Variants in CDH16 observed in about 807,000 individuals in gnomAD.
CDH16 encodes cadherin-16.
A neutral mutation model predicts 87.6 loss-of-function variants in CDH16; 79 were observed. The observed-to-expected ratio is 0.90, with a 90% CI of 0.75 to 1.09. The LOEUF is 1.09. Among genes scored for constraint, CDH16 ranks in the 50% least tolerant of loss-of-function variants. The pLI is 0.00. For synonymous variants in CDH16, 457 were observed against 439.5 expected, an observed-to-expected ratio of 1.04 and a Z score of -0.50; for missense variants, 1,124 against 1,071.7, an observed-to-expected ratio of 1.05 and a Z score of -0.68.
In CDH16 at chr16:66,910,372, G is replaced by T. The variant is rs766156376; in HGVS notation, c.2055C>A (p.Ile685=). 1 of 1,613,784 alleles carries T rather than the reference G, an allele frequency of 6.2e-7. No homozygotes were observed. Among genetic ancestry groups the T allele is most frequent in the Non-Finnish European group, 8.5e-7 (1 of 1,179,834 alleles). ...LCTPRQDHGL[I]VSGPSKDPDL... ...CGGGGTCCTTGCTGGGTCCACTCAC[G>T]ATCAAGCCATGGTCTTGGCGGGGTG... is the stretch of plus-strand genomic sequence containing the variant. Residue 685 remains isoleucine (I), a synonymous_variant, in exon 15 of 18, where the codon ATC becomes ATA. Coordinates refer to ENST00000299752, the MANE Select transcript of CDH16 (RefSeq NM_004062.4).
chr16:66,914,852 C>T (rs546060069), intron 6 of CDH16, among the ~76,000 whole-genome samples: 1 of 152,222 alleles, frequency 6.6e-6, no homozygotes, highest in East Asian at 1.9e-4. Flanking sequence ...ATGCCTGATT[C>T]ACTTTTCTTT....
chr16:66,913,299 G>C lies in CDH16; in HGVS notation c.904-18C>G, dbSNP rs1962519072. On this transcript the variant is annotated intron_variant, in intron 8 of 17. Coordinates refer to ENST00000299752, the MANE Select transcript of CDH16 (RefSeq NM_004062.4). ...AGCAGGTACTGCGGTGGGCAGTAGG[G>C]GGCTTCAGGTCAGGACCAAGGGCAG... The C allele has an allele frequency of 6.5e-7, 1 of 1,544,982 alleles. No individual in the cohort carries two copies. Among genetic ancestry groups the C allele is most frequent in the Non-Finnish European group, 8.7e-7 (1 of 1,145,288 alleles).
In CDH16 at chr16:66,912,021, C is replaced by T. The variant is rs1962441051; in HGVS notation, c.1668G>A (p.Glu556=). The change falls in exon 13 of 18, where the codon GAG becomes GAA. Residue 556 remains glutamate, a synonymous_variant. Coordinates refer to ENST00000299752, the MANE Select transcript of CDH16 (RefSeq NM_004062.4). The stretch of plus-strand genomic sequence containing the variant: ...CCAACTTGGGGGGTGGCATCACTCT[C>T]TCCACTAGCACAGTCACCGTGGCGG... ...GATATVTVLV[E]RVMPPPKLDQ... is the part of the protein sequence containing the mutation. 1.9e-6 allele frequency: 3 copies of T among 1,614,080 alleles called. No homozygotes were observed. The Admixed American group carries it at 5.0e-5, about 27-fold the overall frequency.
chr16:66,917,705 A>G lies in CDH16; in HGVS notation c.66T>C (p.Pro22=), dbSNP rs749258645. 1.2e-6 allele frequency: 2 copies of G among 1,612,722 alleles called. No homozygotes were observed. Among genetic ancestry groups the G allele is most frequent in the East Asian group, 2.2e-5 (1 of 44,880 alleles). ...SVPQALPKAQ[P]AELSVEVPEN... Reference sequence around the variant, plus strand: ...CTGGAACTTCCACAGACAGCTCTGCAGGCTGGGCCTTGGGGAGAGCCTGTG... The same window carrying G: ...CTGGAACTTCCACAGACAGCTCTGCGGGCTGGGCCTTGGGGAGAGCCTGTG... The change falls in exon 3 of 18, where the codon CCT becomes CCC. Residue 22 remains proline (P), a synonymous_variant. Coordinates refer to ENST00000299752, the MANE Select transcript of CDH16 (RefSeq NM_004062.4).
rs967453836 is a variant in CDH16 at position 66,916,463 on chromosome 16, G to A, written c.130-34C>T. 13 of 1,546,456 alleles carry A rather than the reference G, an allele frequency of 8.4e-6. No homozygotes were observed. In the African/African-American group the frequency reaches 9.6e-5, roughly 11 times the overall value. ...AATGAACAGAAGTGAAGGGAGCGGTGGCCAGGCCTGGGAGATGCCCCTCCT... is the reference window on the plus strand; with the variant it reads ...AATGAACAGAAGTGAAGGGAGCGGTAGCCAGGCCTGGGAGATGCCCCTCCT... On this transcript the variant is annotated intron_variant, in intron 3 of 17. Transcript: ENST00000299752. This position sits in a 1 kb window ranked among gnomAD's most constrained non-coding sequence, Gnocchi z 4.1.
At chr16:66,913,064 T>C (rs1022901772) in intron 9 of CDH16, 67 bp downstream of exon 9, 2 of 1,536,154 alleles carry the variant, frequency 1.3e-6, no homozygotes, top group African/African-American at 1.4e-5. Flanking sequence ...GCTGGGTCCT[T>C]ATCCCAGAGA....
chr16:66,912,799 C>G lies in CDH16; in HGVS notation c.1147G>C (p.Glu383Gln), dbSNP rs1441701169. 6.2e-7 allele frequency: 1 copy of G among 1,613,710 alleles called. No individual in the cohort carries two copies. Among genetic ancestry groups the G allele is most frequent in the Non-Finnish European group, 8.5e-7 (1 of 1,180,014 alleles). Reference protein sequence around the residue: ...VVYQLLSPEPEDGVEGRAFQV... With the variant: ...VVYQLLSPEPQDGVEGRAFQV... ...AAGGCTCTCCCCTCTACCCCATCCTCAGGCTCAGGGCTCAGGAGCTGATAC... is the reference window on the plus strand; with the variant it reads ...AAGGCTCTCCCCTCTACCCCATCCTGAGGCTCAGGGCTCAGGAGCTGATAC... Residue 383 changes from glutamate to glutamine, a missense_variant, in exon 10 of 18, where the codon GAG (glutamate) becomes CAG (glutamine). Physicochemically the swap from Glu to Gln is conservative, Grantham distance 29 (BLOSUM62 2). Coordinates refer to ENST00000299752, the MANE Select transcript of CDH16 (RefSeq NM_004062.4).
chr16:66,914,439 G>A (rs1046620978), intron 6 of CDH16, 27 bp from the exon 7 acceptor site: 10 of 1,585,478 alleles, frequency 6.3e-6, no homozygotes, highest in African/African-American at 1.3e-5. Flanking sequence ...GGTCAGCTGA[G>A]CAGGCAGCCA....
At position 66,909,392 on chromosome 16, in the gene CDH16, A is replaced by AGAGGGGAGGAAGGT; in HGVS notation, c.2276-23_2276-10dup. ...GCAGCGACACACGATCACTGAGGGGAGAGGGGAGGAAGGTAAGGGGAGGGA... is the reference window on the plus strand; with the variant it reads ...GCAGCGACACACGATCACTGAGGGGAGAGGGGAGGAAGGTGAGGGGAGGAAGGTAAGGGGAGGGA... On this transcript the variant is annotated splice_polypyrimidine_tract_variant and intron_variant, in intron 16 of 17. Coordinates refer to ENST00000299752, the MANE Select transcript of CDH16 (RefSeq NM_004062.4). This position sits in a 1 kb window ranked among gnomAD's most constrained non-coding sequence, Gnocchi z 4.1. 2 of 791,268 alleles carry AGAGGGGAGGAAGGT rather than the reference A, an allele frequency of 2.5e-6. No homozygotes were observed. Among genetic ancestry groups the AGAGGGGAGGAAGGT allele is most frequent in the African/African-American group, 1.8e-5 (1 of 55,446 alleles). 49.0% of individuals were successfully genotyped at this position (791,268 alleles called of 1,614,324 possible).
intron 9 of CDH16, 91 bp downstream of exon 9, chr16:66,913,040 C>A: frequency 7.1e-7 from 1 of 1,407,526 alleles, no homozygotes; most frequent in Non-Finnish European, 9.8e-7. Context: ...GGGACATTGA[C>A]ATGGGGGCCT....
Position 66,916,503 on chromosome 16 carries a change from C to T in CDH16, c.130-74G>A. The T allele has an allele frequency of 1.4e-6, 2 of 1,470,744 alleles. No individual in the cohort carries two copies. Among genetic ancestry groups the T allele is most frequent in the South Asian group, 2.8e-5 (2 of 72,484 alleles). The allele number at this position is 1,470,744 out of a possible 1,614,324, so 91.1% of individuals were successfully genotyped here. Reference sequence around the variant, plus strand: ...ATGCCCCTCCTCCACCTGATGGCCTCATTTTACATGTGGGGAAACTGAGTC... The same window carrying T: ...ATGCCCCTCCTCCACCTGATGGCCTTATTTTACATGTGGGGAAACTGAGTC... On this transcript the variant is annotated intron_variant, in intron 3 of 17. Coordinates refer to ENST00000299752, the MANE Select transcript of CDH16 (RefSeq NM_004062.4). This position sits in a 1 kb window ranked among gnomAD's most constrained non-coding sequence, Gnocchi z 4.1.
rs369373425 is a variant in CDH16, at chr16:66,915,287, T to C, written c.516A>G (p.Pro172=). Residue 172 remains proline, a synonymous_variant, in exon 6 of 18, where the codon CCA becomes CCG. Transcript: ENST00000299752. ...GGAACATGTCTGGGGAAGGCTGGGC[T>C]GGAGCCTGGCTCAGGATGTGGAATC... The part of the protein sequence containing the change: ...DLRFHILSQA[P]AQPSPDMFQL... The C allele has an allele frequency of 6.2e-7, 1 of 1,613,904 alleles. No individual in the cohort carries two copies. The highest frequency in any genetic ancestry group is 1.3e-5 in the African/African-American group (1 of 74,918).
In CDH16 at chr16:66,912,843, G is replaced by A. The variant is rs764150313; in HGVS notation, c.1103C>T (p.Ser368Phe). ...LSAEDADAPG[S>F]PNSHVVYQLL... ...CTGATACACAACGTGGGAATTGGGGGAGCCGGGGGCATCTGCATCCTCTGC... is the reference window on the plus strand; with the variant it reads ...CTGATACACAACGTGGGAATTGGGGAAGCCGGGGGCATCTGCATCCTCTGC... The change falls in exon 10 of 18, where the codon TCC (serine) becomes TTC (phenylalanine). Residue 368 changes from serine to phenylalanine, a missense_variant. Coordinates refer to ENST00000299752, the MANE Select transcript of CDH16 (RefSeq NM_004062.4). The A allele has an allele frequency of 1.2e-6, 2 of 1,613,510 alleles. No homozygotes were observed. The highest frequency in any genetic ancestry group is 1.7e-6 in the Non-Finnish European group (2 of 1,180,024).
At position 66,914,241 on chromosome 16, in the gene CDH16, A is replaced by G. The variant is rs1397952179; in HGVS notation, c.755T>C (p.Val252Ala). The G allele has an allele frequency of 3.1e-6, 5 of 1,614,110 alleles. No individual in the cohort carries two copies. Among genetic ancestry groups the G allele is most frequent in the Non-Finnish European group, 3.4e-6 (4 of 1,179,970 alleles). ...CTGGGCCATGTGGTGCGGGTATAGG[A>G]CTTTGAGATTCTCTGCCAGGTGGAT... The part of the protein sequence containing the change: ...EPIHLAENLK[V>A]LYPHHMAQVH... The change falls in exon 7 of 18, where the codon GTC (valine) becomes GCC (alanine). Residue 252 changes from valine (V) to alanine (A), a missense_variant. Coordinates refer to ENST00000299752, the MANE Select transcript of CDH16 (RefSeq NM_004062.4).
intron 14 of CDH16, chr16:66,910,709 T>C: frequency 1.9e-6 from 1 of 523,296 alleles, no homozygotes. Context: ...GGGTCTGCCC[T>C]GTATCACAGC....
chr16:66,911,438 A>G, intron 13 of CDH16, 123 bp from the exon 14 acceptor site: 1 of 993,380 alleles, frequency 1.0e-6, no homozygotes, highest in Non-Finnish European at 1.5e-6. Context: ...GGGCCACAGC[A>G]AAGCCTGGGG....
At position 66,912,389 on chromosome 16, in the gene CDH16, A is replaced by T; in HGVS notation, c.1401T>A (p.Thr467=). 1 of 1,614,044 alleles carries T rather than the reference A, an allele frequency of 6.2e-7. No homozygotes were observed. Among genetic ancestry groups the T allele is most frequent in the Non-Finnish European group, 8.5e-7 (1 of 1,179,940 alleles). ...CAATGGCTGTTAGCATGGCCACCAG[A>T]GTCCCGGGCTCCACATCCTCAGGGA... The part of the protein sequence containing the change: ...ISLPEDVEPG[T]LVAMLTAIDA... The change falls in exon 12 of 18, where the codon ACT becomes ACA. Residue 467 remains threonine, a synonymous_variant. Coordinates refer to ENST00000299752, the MANE Select transcript of CDH16 (RefSeq NM_004062.4).
At chr16:66,911,436 G>A in intron 13 of CDH16, 121 bp from the exon 14 acceptor site, 6 of 1,016,814 alleles carry the variant, frequency 5.9e-6, no homozygotes, top group South Asian at 1.7e-5. Flanking sequence ...AGGGGCCACA[G>A]CAAAGCCTGG....
chr16:66,915,860 C>A (rs764060350), intron 5 of CDH16, among the ~76,000 whole-genome samples: 1 of 151,998 alleles, frequency 6.6e-6, no homozygotes. Context: ...CGCGCCATTG[C>A]GCTCCACTCC....
Sources: gnomAD v4.1 joint callset for allele counts (sites outside exome capture counted in the v4.1 genomes callset) on GRCh38, gnomAD v4.1.1 for gene constraint, Gnocchi (gnomAD v3.1) non-coding constraint, MANE v1.5 for transcripts, NCBI Gene and HGNC (gene_info 2026-07-23, HGNC 2026-07-21) for gene names.